VTI1A: variants seen among roughly 807,000 people sequenced by gnomAD.
The protein encoded by VTI1A is vesicle transport through interaction with t-SNAREs homolog 1A.
In VTI1A, 22 loss-of-function variants were observed where a neutral mutation model predicts 34.9. That is an observed-to-expected ratio of 0.63 (90% CI 0.45 to 0.90). The LOEUF (loss-of-function observed/expected upper bound fraction) is 0.90, where lower values mean the gene tolerates loss of function less well. VTI1A is among the 40% of genes least tolerant of loss of function. The pLI is 0.00. For missense variants in VTI1A, 268 were observed against 275.6 expected, an observed-to-expected ratio of 0.97 and a Z score of 0.20; for synonymous variants, 87 against 97.3, an observed-to-expected ratio of 0.89 and a Z score of 0.62.
intron 7 of VTI1A, among the ~76,000 whole-genome samples, chr10:112,678,990 T>C (rs1221598874): frequency 2.0e-5 from 3 of 152,154 alleles, no homozygotes; most frequent in Non-Finnish European, 4.4e-5. Context: ...TTTTTTTCTA[T>C]AATATAAAAT....
In VTI1A at chr10:112,736,111, G is replaced by GTGTATATATATATA. The variant is rs778802494; in HGVS notation, c.560+67114_560+67115insGTATATATATATAT. On this transcript the variant is annotated intron_variant, in intron 7 of 7. Coordinates refer to ENST00000393077, the MANE Select transcript of VTI1A (RefSeq NM_145206.4). ...ATATTTTACATATATATGTGTGTGT[G>GTGTATATATATATA]TATATATATATATATATATATATAT... Among the ~76,000 whole-genome samples, 443 of 116,166 alleles carry GTGTATATATATATA rather than the reference G, an allele frequency of 3.8e-3. 8 individuals carry two copies. The highest frequency in any genetic ancestry group is 0.015 in the African/African-American group (397 of 26,718). The allele number at this position is 116,166 out of a possible 152,430, so 76.2% of individuals were successfully genotyped here.
chr10:112,503,306 C>G (rs192574410), intron 3 of VTI1A, among the ~76,000 whole-genome samples: 1 of 152,280 alleles, frequency 6.6e-6, no homozygotes, highest in Non-Finnish European at 1.5e-5. Flanking sequence ...CCAATCTGTT[C>G]TCCATCTTCA....
intron 7 of VTI1A, among the ~76,000 whole-genome samples, chr10:112,725,454 A>G (rs553537361): frequency 4.6e-5 from 7 of 152,314 alleles, no homozygotes; most frequent in East Asian, 3.9e-4. Context: ...TTTGCATTAC[A>G]TTTATTGAGA....
chr10:112,795,431 CT>C (rs35159993), intron 7 of VTI1A, among the ~76,000 whole-genome samples: 3,835 of 123,928 alleles, frequency 0.031, 52 homozygotes, highest in East Asian at 0.059. Context: ...CCCTATTACT[CT>C]TTTTTTTTTT....
chr10:112,657,549 A>G (rs1223461244), intron 5 of VTI1A, among the ~76,000 whole-genome samples: 1 of 152,118 alleles, frequency 6.6e-6, no homozygotes, highest in East Asian at 1.9e-4. Context: ...TTTTGTATGA[A>G]TCAAAAATTA....
rs912129826 is a variant in VTI1A, at chr10:112,461,228, C to T, written c.153+646C>T. Among the ~76,000 whole-genome samples, 21 of 152,174 alleles carry T rather than the reference C, an allele frequency of 1.4e-4. 1 individual carries two copies. The highest frequency in any genetic ancestry group is 1.2e-3 in the Admixed American group (18 of 15,284). Reference sequence around the variant, plus strand: ...ATACCTTAGAGGAATAGAACGAGAGCCTAGAAAATGTGCCACTTTCTAGCA... The same window carrying T: ...ATACCTTAGAGGAATAGAACGAGAGTCTAGAAAATGTGCCACTTTCTAGCA... On this transcript the variant is annotated intron_variant, in intron 2 of 7. Coordinates refer to ENST00000393077, the MANE Select transcript of VTI1A (RefSeq NM_145206.4).
chr10:112,602,773 C>A (rs1362615592), intron 5 of VTI1A, among the ~76,000 whole-genome samples: 1 of 152,190 alleles, frequency 6.6e-6, no homozygotes, highest in African/African-American at 2.4e-5. Context: ...AGAGTTCAAG[C>A]TGGTTCACAT....
intron 7 of VTI1A, among the ~76,000 whole-genome samples, chr10:112,684,541 A>G (rs1406636936): frequency 6.7e-6 from 1 of 150,284 alleles, no homozygotes; most frequent in Non-Finnish European, 1.5e-5. Context: ...TGGGTTCAAG[A>G]GATTCTCCTG....
At chr10:112,853,258 C>G in the VTI1A span, among the ~76,000 whole-genome samples, 2 of 152,190 alleles carry the variant, frequency 1.3e-5, no homozygotes, top group African/African-American at 2.4e-5. Flanking sequence ...CTACTACCTC[C>G]AACCCCAGAA....
intron 7 of VTI1A, among the ~76,000 whole-genome samples, chr10:112,720,136 A>G (rs1849749267): frequency 6.6e-6 from 1 of 152,140 alleles, no homozygotes. Flanking sequence ...GGTTGTTTCT[A>G]CTTTTTGAAT....
intron 4 of VTI1A, among the ~76,000 whole-genome samples, chr10:112,537,399 A>G (rs752550420): frequency 2.1e-5 from 3 of 143,582 alleles, no homozygotes; most frequent in South Asian, 2.2e-4. Flanking sequence ...TGGCAACCTG[A>G]ATAGATCTAA....
intron 3 of VTI1A, among the ~76,000 whole-genome samples, chr10:112,524,970 T>C (rs560149533): frequency 6.6e-6 from 1 of 152,310 alleles, no homozygotes; most frequent in South Asian, 2.1e-4. Context: ...GATCTAAATA[T>C]TGTATTAAGG....
At chr10:112,586,955 A>G in intron 5 of VTI1A, among the ~76,000 whole-genome samples, 1 of 152,162 alleles carries the variant, frequency 6.6e-6, no homozygotes, top group Non-Finnish European at 1.5e-5. Flanking sequence ...TTCCACATCC[A>G]TAAACTTAGC....
chr10:112,526,438 A>C (rs189192680), intron 3 of VTI1A, among the ~76,000 whole-genome samples: 1 of 152,284 alleles, frequency 6.6e-6, no homozygotes, highest in African/African-American at 2.4e-5. Context: ...GTACGCATGC[A>C]TGCACACATG....
chr10:112,597,407 A>G (rs10736222), intron 5 of VTI1A, among the ~76,000 whole-genome samples: 95,823 of 151,904 alleles, frequency 0.63, 30,547 homozygotes, highest in Admixed American at 0.72. Context: ...TAGTAGAGAC[A>G]GGGTTTCTCC....
intron 5 of VTI1A, among the ~76,000 whole-genome samples, chr10:112,589,379 G>A (rs182612349): frequency 6.6e-6 from 1 of 152,202 alleles, no homozygotes; most frequent in Admixed American, 6.5e-5. Context: ...TCTCTCTCTT[G>A]CCACTGCTAT....
At chr10:112,525,080 A>G (rs1850171564) in intron 3 of VTI1A, among the ~76,000 whole-genome samples, 1 of 152,184 alleles carries the variant, frequency 6.6e-6, no homozygotes, top group Non-Finnish European at 1.5e-5. Context: ...TAAATACAAT[A>G]AGAGAACCAG....
chr10:112,811,500 G>A (rs1374261586), intron 7 of VTI1A, among the ~76,000 whole-genome samples: 1 of 151,760 alleles, frequency 6.6e-6, no homozygotes, highest in East Asian at 1.9e-4. Context: ...AGAGACCACG[G>A]TGAAACCCCG....
intron 3 of VTI1A, among the ~76,000 whole-genome samples, chr10:112,496,786 G>A (rs1454110330): frequency 6.6e-6 from 1 of 152,134 alleles, no homozygotes; most frequent in Non-Finnish European, 1.5e-5. Context: ...AAGAACACAA[G>A]TTTACTCTGA....
Sources: allele counts gnomAD v4.1 joint callset (sites outside exome capture counted in the v4.1 genomes callset), GRCh38; gene constraint gnomAD v4.1.1; transcripts MANE v1.5; gene names NCBI Gene and HGNC (gene_info 2026-07-23, HGNC 2026-07-21).